Variants in PAG1 observed in about 807,000 individuals in gnomAD.
PAG1 encodes phosphoprotein associated with glycosphingolipid-enriched microdomains 1.
A neutral mutation model predicts 31.7 loss-of-function variants in PAG1; 23 were observed. The ratio of observed to expected loss-of-function variants is 0.73; its 90% CI spans 0.52 to 1.03. PAG1 has a LOEUF of 1.03. Ranked by LOEUF, PAG1 falls within the 50% of genes least tolerant of loss-of-function variation. The pLI is 0.00. For synonymous variants in PAG1, 214 were observed against 210.3 expected (o/e 1.02, Z -0.15); for missense variants, 473 against 540.7 (o/e 0.87, Z 1.24).
intron 2 of PAG1, among the ~76,000 whole-genome samples, chr8:81,041,197 T>A (rs1291559123): frequency 6.7e-6 from 1 of 148,676 alleles, no homozygotes; most frequent in Non-Finnish European, 1.5e-5. Flanking sequence ...GGAATCACAT[T>A]TTTTTTTTTG....
chr8:81,029,491 G>A (rs969407684), intron 3 of PAG1, among the ~76,000 whole-genome samples: 10 of 152,034 alleles, frequency 6.6e-5, no homozygotes, highest in African/African-American at 2.4e-4. Flanking sequence ...TTACTTAGCA[G>A]GTATTTTCAT....
At chr8:81,102,901 A>T (rs1809631308) in intron 1 of PAG1, among the ~76,000 whole-genome samples, 1 of 152,228 alleles carries the variant, frequency 6.6e-6, no homozygotes, top group South Asian at 2.1e-4. Context: ...ATATTACAAA[A>T]GGAAAACCAA....
chr8:81,023,729 A>T (rs1247350853), intron 3 of PAG1, among the ~76,000 whole-genome samples: 1 of 152,164 alleles, frequency 6.6e-6, no homozygotes, highest in East Asian at 1.9e-4. Flanking sequence ...ATCAACATTG[A>T]ATTTTATACC....
At chr8:81,088,903 G>A (rs1418618510) in intron 1 of PAG1, among the ~76,000 whole-genome samples, 1 of 152,214 alleles carries the variant, frequency 6.6e-6, no homozygotes, top group Admixed American at 6.5e-5. Flanking sequence ...TTTCTTTCTT[G>A]TCAATAATAG....
At chr8:81,052,819 C>T (rs1351610745) in intron 2 of PAG1, among the ~76,000 whole-genome samples, 2 of 152,196 alleles carry the variant, frequency 1.3e-5, no homozygotes, top group Non-Finnish European at 2.9e-5. Flanking sequence ...ATGCTATAAA[C>T]ATCTCTGTTG....
intron 1 of PAG1, among the ~76,000 whole-genome samples, chr8:81,096,307 C>A (rs1314211379): frequency 6.8e-6 from 1 of 148,126 alleles, no homozygotes; most frequent in African/African-American, 2.6e-5. Flanking sequence ...AATGAACATG[C>A]ATTCTGACCC....
intron 4 of PAG1, 107 bp from the exon 5 acceptor site, chr8:80,991,637 T>G: frequency 1.3e-6 from 1 of 797,020 alleles, no homozygotes; most frequent in Admixed American, 2.0e-5. Flanking sequence ...TCTCTCGTTT[T>G]AAGAACCATG....
chr8:81,091,668 GTTGGTATGTGGT>G (rs1263703223), intron 1 of PAG1, among the ~76,000 whole-genome samples: 1 of 152,126 alleles, frequency 6.6e-6, no homozygotes, highest in African/African-American at 2.4e-5. Context: ...TGACAAAAAT[GTTGGTATGTGGT>G]ACATGATTAC....
chr8:81,080,615 G>C (rs1022761156), intron 1 of PAG1, among the ~76,000 whole-genome samples: 2 of 152,134 alleles, frequency 1.3e-5, no homozygotes, highest in Admixed American at 6.5e-5. Context: ...TAACTCCTTT[G>C]AGAGAATTTG....
At position 80,991,504 on chromosome 8, in the gene PAG1, C is replaced by G; in HGVS notation, c.152G>C (p.Gly51Ala). The stretch of plus-strand genomic sequence containing the variant: ...CACGTTCATCAGGTTCTCATGGTCC[C>G]CACTATGCTGTCGCGGCTTCTTTTC... ...DREKKPRQHSGDHENLMNVPS... is the reference protein window; with the variant it reads ...DREKKPRQHSADHENLMNVPS... The change falls in exon 5 of 9, where the codon GGG becomes GCG. Residue 51 changes from glycine (G) to alanine (A), a missense_variant. Coordinates refer to ENST00000220597, the MANE Select transcript of PAG1 (RefSeq NM_018440.4). 6.2e-7 allele frequency: 1 copy of G among 1,613,738 alleles called. No homozygotes were observed. Among genetic ancestry groups the G allele is most frequent in the South Asian group, 1.1e-5 (1 of 91,078 alleles).
intron 1 of PAG1, among the ~76,000 whole-genome samples, chr8:81,079,096 T>C (rs529822555): frequency 6.6e-6 from 1 of 152,164 alleles, no homozygotes; most frequent in Non-Finnish European, 1.5e-5. Context: ...AACAATAACA[T>C]AGATTAGCAA....
intron 1 of PAG1, among the ~76,000 whole-genome samples, chr8:81,103,182 C>A (rs1198883137): frequency 1.3e-5 from 2 of 151,062 alleles, no homozygotes; most frequent in Non-Finnish European, 2.9e-5. Context: ...CAGATTTTCC[C>A]CCAATCTAAC....
Position 80,985,120 on chromosome 8 carries a change from C to A in PAG1, c.532G>T (p.Asp178Tyr). Residue 178 changes from aspartate (D) to tyrosine (Y), a missense_variant, in exon 7 of 9, where the codon GAC becomes TAC. Physicochemically the swap from Asp to Tyr is radical, Grantham distance 160. Transcript: ENST00000220597. ...DSSSQENMVE[D>Y]CLYETVKEIK... is the part of the protein sequence containing the mutation. ...TCTTTCACAGTTTCATACAAGCAGTCCTCCACCATGTTTTCTTGGGAGGAG... is the reference window on the plus strand; with the variant it reads ...TCTTTCACAGTTTCATACAAGCAGTACTCCACCATGTTTTCTTGGGAGGAG... 1 of 1,614,124 alleles carries A rather than the reference C, an allele frequency of 6.2e-7. No homozygotes were observed. The highest frequency in any genetic ancestry group is 8.5e-7 in the Non-Finnish European group (1 of 1,180,020).
intron 3 of PAG1, among the ~76,000 whole-genome samples, chr8:81,002,936 G>A (rs1248702815): frequency 3.3e-5 from 5 of 152,184 alleles, no homozygotes; most frequent in African/African-American, 1.2e-4. Flanking sequence ...ACAGCTTTCT[G>A]CCTGGAGAGG....
chr8:81,027,291 C>T (rs916166324), intron 3 of PAG1, among the ~76,000 whole-genome samples: 1 of 152,156 alleles, frequency 6.6e-6, no homozygotes, highest in African/African-American at 2.4e-5. Context: ...CATGAGCCAC[C>T]ACAGCTGGCC....
At chr8:80,993,770 T>G (rs1013135174) in intron 3 of PAG1, among the ~76,000 whole-genome samples, 1 of 151,848 alleles carries the variant, frequency 6.6e-6, no homozygotes, top group African/African-American at 2.4e-5. Context: ...CATTCCTGGC[T>G]AATATTTTTA....
Position 80,981,954 on chromosome 8 carries a change from C to T in PAG1, c.877-1460G>A, listed in dbSNP as rs1011465375. The stretch of plus-strand genomic sequence containing the variant: ...GATCTTGGCTCACTGCAGCCTTGAC[C>T]TCCCAGGCTCAAGCCATTGTCCCAC... On this transcript the variant is annotated intron_variant, in intron 7 of 8. Coordinates refer to ENST00000220597, the MANE Select transcript of PAG1 (RefSeq NM_018440.4). Among the ~76,000 whole-genome samples, 4 of 150,478 alleles carry T rather than the reference C, an allele frequency of 2.7e-5. No homozygotes were observed. The East Asian group carries it at 5.8e-4, about 22-fold the overall frequency.
chr8:80,998,976 G>A (rs7818013), intron 3 of PAG1, among the ~76,000 whole-genome samples: 132,946 of 152,200 alleles, frequency 0.87, 58,429 homozygotes, highest in African/African-American at 0.92. Context: ...ATGACACTTT[G>A]TGGGCTCTAA....
chr8:81,032,304 A>T (rs1243118942), intron 2 of PAG1, among the ~76,000 whole-genome samples: 1 of 152,220 alleles, frequency 6.6e-6, no homozygotes, highest in Admixed American at 6.5e-5. Flanking sequence ...AATATATGCA[A>T]ATCGTATGTG....
Sources: gnomAD v4.1 joint callset for allele counts (sites outside exome capture counted in the v4.1 genomes callset) on GRCh38, gnomAD v4.1.1 for gene constraint, MANE v1.5 for transcripts, NCBI Gene and HGNC (gene_info 2026-07-23, HGNC 2026-07-21) for gene names.